The following YRDC variants were observed in gnomAD, a reference collection of about 807,000 sequenced individuals.
YRDC encodes threonylcarbamoyl-AMP synthase.
YRDC carries 17 observed loss-of-function variants against 21.5 expected under a neutral mutation model. That is an observed-to-expected ratio of 0.79 (90% CI 0.54 to 1.19). YRDC has a LOEUF of 1.19. YRDC is among the 50% of genes most tolerant of loss of function. The pLI, the probability that YRDC is intolerant of heterozygous loss-of-function variation, is 0.00. For missense variants in YRDC, 380 were observed against 397.1 expected, an observed-to-expected ratio of 0.96 and a Z score of 0.37; for synonymous variants, 193 against 176.7, an observed-to-expected ratio of 1.09 and a Z score of -0.73.
intron 4 of YRDC, 56 bp downstream of exon 4, chr1:37,804,246 T>C: frequency 1.3e-6 from 2 of 1,577,014 alleles, no homozygotes; most frequent in Non-Finnish European, 1.7e-6. Context: ...AAAGCTTTTT[T>C]GCATCTCTCC....
intron 3 of YRDC, among the ~76,000 whole-genome samples, chr1:37,805,861 G>C (rs1463137041): frequency 6.6e-6 from 1 of 152,110 alleles, no homozygotes; most frequent in Non-Finnish European, 1.5e-5. Flanking sequence ...CTCTATCCAG[G>C]CTTATTAGCT....
At chr1:37,804,022 C>T in intron 4 of YRDC, 25 bp from the exon 5 acceptor site, 1 of 1,613,634 alleles carries the variant, frequency 6.2e-7, no homozygotes, top group Non-Finnish European at 8.5e-7. Flanking sequence ...GGACAGTTAC[C>T]AGTCTGACTT....
chr1:37,807,027 G>A (rs766678533), intron 2 of YRDC, 51 bp from the exon 3 acceptor site: 16 of 1,613,742 alleles, frequency 9.9e-6, no homozygotes, highest in Non-Finnish European at 1.2e-5. Flanking sequence ...GGGATAAGAG[G>A]GTAAGTCTTA....
rs1476134701 is a variant in YRDC at position 37,808,120 on chromosome 1, T to G, written c.61A>C (p.Ser21Arg). 18 of 1,458,634 alleles carry G rather than the reference T, an allele frequency of 1.2e-5. No homozygotes were observed. Among genetic ancestry groups the G allele is most frequent in the Non-Finnish European group, 1.5e-5 (17 of 1,111,100 alleles). 90.4% of individuals were successfully genotyped at this position (1,458,634 alleles called of 1,614,324 possible). Reference sequence around the variant, plus strand: ...CTCCGGGAGCCAGCAGGCCCCTCGCTCAACCCCACGCTGGCAGCCACCGCG... The same window carrying G: ...CTCCGGGAGCCAGCAGGCCCCTCGCGCAACCCCACGCTGGCAGCCACCGCG... ...RAAVAASVGL[S>R]EGPAGSRSGR... Residue 21 changes from serine to arginine, a missense_variant, in exon 1 of 5, where the codon AGC becomes CGC. Ser to Arg is a moderately radical substitution (Grantham distance 110). Around this residue, in one of 3 missense-constraint regions of YRDC, gnomAD observed 91 missense variants for 64.7 expected, o/e 1.41. Transcript: ENST00000373044.
Position 37,804,376 on chromosome 1 carries a change from G to A in YRDC, c.693C>T (p.Ser231=), listed in dbSNP as rs1646721581. ...CAGTTGAGCCAAGGCGACACTCGGG[G>A]CTCTGGCCATCCCCAATTTGTCCCC... ...IDGGQIGDGQ[S]PECRLGSTVV... is the part of the protein sequence containing the mutation. The change falls in exon 4 of 5, where the codon AGC becomes AGT. Residue 231 remains serine (S), a synonymous_variant. Transcript: ENST00000373044. The A allele has an allele frequency of 6.2e-7, 1 of 1,614,040 alleles. No individual in the cohort carries two copies. Among genetic ancestry groups the A allele is most frequent in the Admixed American group, 1.7e-5 (1 of 59,986 alleles).
chr1:37,808,010 CT>C lies in YRDC; in HGVS notation c.170del (p.Gln57ArgfsTer78). ...AGCCGGCGCGCTCCGGGCTCGCGGC[CT>C]GCACGGCCCCGCTCCCCGGGAGCCG... Reference protein sequence around the residue: ...LLRLPGSGAVQAASPERAGWT... With the variant: ...LLRLPGSGAVXAASPERAGWT... On this transcript the variant is annotated frameshift_variant, in exon 1 of 5. Coordinates refer to ENST00000373044, the MANE Select transcript of YRDC (RefSeq NM_024640.4). LOFTEE classifies it high-confidence loss of function. The C allele has an allele frequency of 1.6e-6, 2 of 1,221,376 alleles. No individual in the cohort carries two copies. Among genetic ancestry groups the C allele is most frequent in the Non-Finnish European group, 2.0e-6 (2 of 981,198 alleles). The allele number at this position is 1,221,376 out of a possible 1,614,324, so 75.7% of individuals were successfully genotyped here. A position where few individuals can be genotyped will look rare whatever the true frequency, so the allele number is the denominator to read the frequency against.
chr1:37,803,879 C>G lies in YRDC; in HGVS notation c.*46G>C. ...CTTGACAGTCGTCAGTGGACAGACA[C>G]ATAGTATCCAGCACCAGGTCTTGGG... On this transcript the variant is annotated 3_prime_UTR_variant, in exon 5 of 5. Coordinates refer to ENST00000373044, the MANE Select transcript of YRDC (RefSeq NM_024640.4). 1 of 1,604,464 alleles carries G rather than the reference C, an allele frequency of 6.2e-7. No homozygotes were observed. The highest frequency in any genetic ancestry group is 8.5e-7 in the Non-Finnish European group (1 of 1,172,318).
chr1:37,807,092 T>C lies in YRDC; in HGVS notation c.504+9A>G, dbSNP rs1646743208. ...GGAGTCTGGGGACACAAGAGAAAACTTGACTCACAGGCGTAAAAGGGTTTA... is the reference window on the plus strand; with the variant it reads ...GGAGTCTGGGGACACAAGAGAAAACCTGACTCACAGGCGTAAAAGGGTTTA... On this transcript the variant is annotated intron_variant, in intron 2 of 4. Transcript: ENST00000373044. 4 of 1,614,006 alleles carry C rather than the reference T, an allele frequency of 2.5e-6. No individual in the cohort carries two copies. Among genetic ancestry groups the C allele is most frequent in the South Asian group, 1.1e-5 (1 of 91,086 alleles).
At chr1:37,807,730 C>G (rs1179820829) in intron 1 of YRDC, 62 bp downstream of exon 1, 2 of 1,412,530 alleles carry the variant, frequency 1.4e-6, no homozygotes, top group South Asian at 2.8e-5. Context: ...TCTCCCAAGC[C>G]TGTCACCGGA....
chr1:37,807,262 G>A, intron 1 of YRDC, 47 bp from the exon 2 acceptor site: 5 of 1,523,788 alleles, frequency 3.3e-6, no homozygotes, highest in Non-Finnish European at 3.6e-6. Flanking sequence ...AAGGGCCACT[G>A]GTGGTCCTTT....
intron 1 of YRDC, chr1:37,807,487 T>C (rs1646747139): frequency 1.7e-6 from 1 of 586,726 alleles, no homozygotes; most frequent in East Asian, 2.9e-5. Context: ...TTTTATTTTC[T>C]TCAAGGCATT....
At chr1:37,807,767 C>CGGGGCCGGGTCGG in intron 1 of YRDC, 25 bp downstream of exon 1, 1 of 1,479,720 alleles carries the variant, frequency 6.8e-7, no homozygotes, top group Non-Finnish European at 8.9e-7. Context: ...CCGCCCCTAG[C>CGGGGCCGGGTCGG]GGGGCCGGGT....
chr1:37,806,515 T>C (rs1248397690), intron 3 of YRDC, among the ~76,000 whole-genome samples: 1 of 152,232 alleles, frequency 6.6e-6, no homozygotes, highest in Non-Finnish European at 1.5e-5. Flanking sequence ...TTCATCTTTC[T>C]TTACAGCACT....
intron 3 of YRDC, among the ~76,000 whole-genome samples, chr1:37,806,013 A>G (rs1472158857): frequency 6.6e-6 from 1 of 152,116 alleles, no homozygotes; most frequent in African/African-American, 2.4e-5. Context: ...CGAAATTTCT[A>G]TGTGTCCTCC....
Position 37,807,979 on chromosome 1 carries a change from C to A in YRDC, c.202G>T (p.Glu68Ter). 8.3e-7 allele frequency: 1 copy of A among 1,205,258 alleles called. No homozygotes were observed. Among genetic ancestry groups the A allele is most frequent in the Non-Finnish European group, 1.0e-6 (1 of 971,618 alleles). 74.7% of individuals were successfully genotyped at this position (1,205,258 alleles called of 1,614,324 possible). A position where few individuals can be genotyped will look rare whatever the true frequency, so the allele number is the denominator to read the frequency against. Residue 68 changes from glutamate to a stop codon, truncating the protein, a stop_gained, in exon 1 of 5, where the codon GAG becomes TAG. Transcript: ENST00000373044. LOFTEE classifies it high-confidence loss of function. ...TCGGCCACGGCGGCCCGCAGCGCCT[C>A]GGTCCAGCCGGCGCGCTCCGGGCTC... ...AASPERAGWT[E>*]ALRAAVAELR...
At chr1:37,804,546 G>T in intron 3 of YRDC, 102 bp from the exon 4 acceptor site, 1 of 1,388,166 alleles carries the variant, frequency 7.2e-7, no homozygotes, top group Non-Finnish European at 9.6e-7. Flanking sequence ...TAAAACAGAA[G>T]GCACTTTCCT....
At chr1:37,805,963 CTT>C (rs1646732380) in intron 3 of YRDC, among the ~76,000 whole-genome samples, 1 of 152,132 alleles carries the variant, frequency 6.6e-6, no homozygotes, top group Non-Finnish European at 1.5e-5. Context: ...CACAATGTAG[CTT>C]ATTACTACGT....
chr1:37,807,314 T>C, intron 1 of YRDC, 99 bp from the exon 2 acceptor site: 2 of 1,157,946 alleles, frequency 1.7e-6, no homozygotes, highest in South Asian at 1.3e-5. Flanking sequence ...CCTTCGAGTT[T>C]ACAATGGGAG....
chr1:37,807,466 C>G, intron 1 of YRDC: 1 of 583,438 alleles, frequency 1.7e-6, no homozygotes, highest in Non-Finnish European at 3.0e-6. Flanking sequence ...ATAGTGGGAT[C>G]AAGCTCCACG....
Sources: allele counts gnomAD v4.1 joint callset (sites outside exome capture counted in the v4.1 genomes callset), GRCh38; gene constraint gnomAD v4.1.1; regional missense constraint gnomAD v4.1.1; transcripts MANE v1.5; gene names NCBI Gene and HGNC (gene_info 2026-07-23, HGNC 2026-07-21).